The following TIAM2 variants were observed in gnomAD, a reference collection of about 807,000 sequenced individuals.
The protein encoded by TIAM2 is rho guanine nucleotide exchange factor TIAM2.
In TIAM2, 80 loss-of-function variants were observed where a neutral mutation model predicts 152.9. That is an observed-to-expected ratio of 0.52 (90% CI 0.44 to 0.63). The LOEUF is 0.63. Ranked by LOEUF, TIAM2 falls within the 30% of genes least tolerant of loss-of-function variation. The pLI is 0.00. For missense variants in TIAM2, 1,965 were observed against 2,120.1 expected (o/e 0.93, Z 1.44); for synonymous variants, 804 against 838.0 (o/e 0.96, Z 0.70).
rs536199417 is a variant in TIAM2 at position 155,109,890 on chromosome 6, T to C, written c.-117-17600T>C. ...ATCCTGATGTATCTTAGATAATTGA[T>C]AGAGACTTGTGTATGCATACACATG... On this transcript the variant is annotated intron_variant, in intron 2 of 26. Coordinates refer to ENST00000682666, the MANE Select transcript of TIAM2 (RefSeq NM_012454.4). Among the ~76,000 whole-genome samples, 21 of 152,126 alleles carry C rather than the reference T, an allele frequency of 1.4e-4. No individual in the cohort carries two copies. In the South Asian group the frequency reaches 2.9e-3, roughly 21 times the overall value.
chr6:155,252,151 G>A, intron 23 of TIAM2, 148 bp downstream of exon 23: 1 of 629,078 alleles, frequency 1.6e-6, no homozygotes. Flanking sequence ...CATACTGAGA[G>A]CGTTTCTGAG....
rs1385806755 is a variant in TIAM2 at position 155,174,156 on chromosome 6, G to A, written c.2362-2660G>A. Among the ~76,000 whole-genome samples the A allele has an allele frequency of 6.6e-6, 1 of 152,202 alleles. No homozygotes were observed. Among genetic ancestry groups the A allele is most frequent in the Non-Finnish European group, 1.5e-5 (1 of 68,038 alleles). ...ATTCTGTGTAGTATAGTGGTGGTGT[G>A]AACCAGCTCATCCCAGACTTCCACC... On this transcript the variant is annotated intron_variant, in intron 9 of 26. Transcript: ENST00000682666. The surrounding 1 kb of genome is among the most constrained non-coding windows in gnomAD (Gnocchi z 4.2).
intron 1 of TIAM2, among the ~76,000 whole-genome samples, chr6:155,072,628 G>C (rs1172509654): frequency 6.6e-6 from 1 of 152,064 alleles, no homozygotes; most frequent in African/African-American, 2.4e-5. Context: ...TTTTGAGGTG[G>C]TACATCTGGT....
chr6:155,136,387 G>C (rs997869717), intron 4 of TIAM2, among the ~76,000 whole-genome samples: 1 of 151,574 alleles, frequency 6.6e-6, no homozygotes, highest in African/African-American at 2.4e-5. Flanking sequence ...TGATTCTCCT[G>C]CCTCAGCCCC....
chr6:155,106,217 C>G (rs1778684895), intron 2 of TIAM2, among the ~76,000 whole-genome samples: 1 of 151,912 alleles, frequency 6.6e-6, no homozygotes, highest in South Asian at 2.1e-4. Flanking sequence ...ATTGGTCAGG[C>G]TGGTTCCGAA....
rs766184932 is a variant in TIAM2 at position 155,244,727 on chromosome 6, G to A, written c.3487G>A (p.Asp1163Asn). The change falls in exon 18 of 27, where the codon GAT becomes AAT. Residue 1163 changes from aspartate (D) to asparagine (N), a missense_variant. Coordinates refer to ENST00000682666, the MANE Select transcript of TIAM2 (RefSeq NM_012454.4). The part of the protein sequence containing the change: ...FQKVFLETLE[D>N]GISASSDFNT... Reference sequence around the variant, plus strand: ...GAAGGTGTTTCTGGAGACCCTGGAGGATGGGATTTCAGCATCATCTGACTT... The same window carrying A: ...GAAGGTGTTTCTGGAGACCCTGGAGAATGGGATTTCAGCATCATCTGACTT... 2 of 1,614,028 alleles carry A rather than the reference G, an allele frequency of 1.2e-6. No individual in the cohort carries two copies. Among genetic ancestry groups the A allele is most frequent in the Non-Finnish European group, 1.7e-6 (2 of 1,179,986 alleles).
chr6:155,169,631 G>A lies in TIAM2; in HGVS notation c.2361+4222G>A, dbSNP rs533028402. On this transcript the variant is annotated intron_variant, in intron 9 of 26. Transcript: ENST00000682666. ...CATTCTATGCTGTGTCTCTCCAGGC[G>A]CCGTCAAGGGGAGCCTGAGTAATGT... Among the ~76,000 whole-genome samples, 300 of 152,152 alleles carry A rather than the reference G, an allele frequency of 2.0e-3. 1 individual carries two copies. The highest frequency in any genetic ancestry group is 6.9e-3 in the African/African-American group (285 of 41,498).
rs552482186 is a variant in TIAM2, at chr6:155,082,636, G to A, written c.-208-7653G>A. On this transcript the variant is annotated intron_variant, in intron 1 of 26. Coordinates refer to ENST00000682666, the MANE Select transcript of TIAM2 (RefSeq NM_012454.4). ...TTGCACTCCGGCCTGGGCAACAAGA[G>A]TAAAACTCCATCTCAACCCAAAAAA... is the stretch of plus-strand genomic sequence containing the variant. 6.9e-4 allele frequency among the ~76,000 whole-genome samples: 99 copies of A among 143,256 alleles called. 1 individual carries two copies. The highest frequency in any genetic ancestry group is 2.5e-3 in the African/African-American group (95 of 38,480). 94.0% of individuals were successfully genotyped at this position (143,256 alleles called of 152,430 possible). A position where few individuals can be genotyped will look rare whatever the true frequency, so the allele number is the denominator to read the frequency against.
At chr6:155,235,314 G>A (rs553337388) in intron 15 of TIAM2, among the ~76,000 whole-genome samples, 1 of 152,298 alleles carries the variant, frequency 6.6e-6, no homozygotes, top group South Asian at 2.1e-4. Flanking sequence ...CATCAGGAAG[G>A]ACACTGAAGA....
intron 15 of TIAM2, among the ~76,000 whole-genome samples, chr6:155,227,297 C>G (rs1445018545): frequency 6.6e-6 from 1 of 152,198 alleles, no homozygotes; most frequent in Non-Finnish European, 1.5e-5. Context: ...TGCAGGGGTG[C>G]TGAGTCAGTC....
chr6:155,030,288 T>C (rs1776798888), intron 1 of TIAM2, among the ~76,000 whole-genome samples: 1 of 152,114 alleles, frequency 6.6e-6, no homozygotes, highest in South Asian at 2.1e-4. Flanking sequence ...CACAACCAAG[T>C]TGTGATCAAT....
Position 155,101,913 on chromosome 6 carries a change from A to G in TIAM2, c.-118+11534A>G, listed in dbSNP as rs528210640. 2.7e-3 allele frequency among the ~76,000 whole-genome samples: 408 copies of G among 152,178 alleles called. 3 individuals carry two copies. Among genetic ancestry groups the G allele is most frequent in the Non-Finnish European group, 4.9e-3 (330 of 68,016 alleles). ...GAGATGCGGTTTCACCATGTTGGCT[A>G]GGATGGTCTTGATCTCCTGACCTCA... On this transcript the variant is annotated intron_variant, in intron 2 of 26. Coordinates refer to ENST00000682666, the MANE Select transcript of TIAM2 (RefSeq NM_012454.4).
chr6:155,059,317 T>C (rs951761763), intron 1 of TIAM2, among the ~76,000 whole-genome samples: 7 of 131,724 alleles, frequency 5.3e-5, no homozygotes, highest in African/African-American at 2.4e-4. Flanking sequence ...TGTGTGTGTG[T>C]GTGTGTGTGC....
intron 15 of TIAM2, among the ~76,000 whole-genome samples, chr6:155,238,910 G>T (rs998163636): frequency 1.3e-5 from 2 of 152,204 alleles, no homozygotes; most frequent in Non-Finnish European, 2.9e-5. Flanking sequence ...GATCAATGTT[G>T]AGTTTTAATG....
chr6:155,251,904 T>C, intron 22 of TIAM2, 41 bp from the exon 23 acceptor site: 2 of 1,507,778 alleles, frequency 1.3e-6, no homozygotes, highest in Non-Finnish European at 1.8e-6. Flanking sequence ...TGGAAGAGTT[T>C]GCATAAAATA....
At chr6:155,250,174 T>C (rs1399851496) in intron 21 of TIAM2, among the ~76,000 whole-genome samples, 1 of 152,158 alleles carries the variant, frequency 6.6e-6, no homozygotes, top group Non-Finnish European at 1.5e-5. Context: ...TATAACCTTA[T>C]GTCACGTTCA....
intron 1 of TIAM2, among the ~76,000 whole-genome samples, chr6:155,015,122 C>T (rs1778550643): frequency 6.6e-6 from 1 of 151,856 alleles, no homozygotes; most frequent in Non-Finnish European, 1.5e-5. Flanking sequence ...AGAGTCCGCA[C>T]AGGGGGGATA....
At chr6:155,147,438 G>A (rs979832720) in intron 6 of TIAM2, among the ~76,000 whole-genome samples, 1 of 151,584 alleles carries the variant, frequency 6.6e-6, no homozygotes, top group African/African-American at 2.4e-5. Context: ...TCCCGAGTAG[G>A]TGGGATTTCA....
At chr6:155,055,652 G>T (rs547083578) in intron 1 of TIAM2, among the ~76,000 whole-genome samples, 1 of 152,108 alleles carries the variant, frequency 6.6e-6, no homozygotes, top group Admixed American at 6.6e-5. Flanking sequence ...TAGAGAGAAA[G>T]AAGTGTTTGA....
Sources: allele counts gnomAD v4.1 joint callset (sites outside exome capture counted in the v4.1 genomes callset), GRCh38; gene constraint gnomAD v4.1.1; non-coding constraint Gnocchi (gnomAD v3.1); transcripts MANE v1.5; gene names NCBI Gene and HGNC (gene_info 2026-07-23, HGNC 2026-07-21).